TMEM260: variants seen among roughly 807,000 people sequenced by gnomAD.
The protein encoded by TMEM260 is protein O-mannosyl-transferase TMEM260.
In TMEM260, 82 loss-of-function variants were observed where a neutral mutation model predicts 88.9. The observed-to-expected ratio is 0.92, with a 90% CI of 0.77 to 1.11. TMEM260 has a LOEUF of 1.11. Ranked by LOEUF, TMEM260 falls within the 50% of genes least tolerant of loss-of-function variation. The probability of loss-of-function intolerance (pLI) is 0.00; values close to 1 mark genes in which losing one functional copy is unlikely to be tolerated. For synonymous variants in TMEM260, 314 were observed against 309.3 expected, an observed-to-expected ratio of 1.02 and a Z score of -0.16; for missense variants, 902 against 853.4, an observed-to-expected ratio of 1.06 and a Z score of -0.71.
intron 6 of TMEM260, among the ~76,000 whole-genome samples, chr14:56,609,878 G>A (rs994769604): frequency 4.6e-5 from 7 of 152,216 alleles, no homozygotes; most frequent in African/African-American, 1.7e-4. Context: ...AAGATTATCT[G>A]AAAAATGAAA....
chr14:56,584,898 T>A lies in TMEM260; in HGVS notation c.161-103T>A, dbSNP rs956309271. 4.5e-6 allele frequency: 4 copies of A among 880,090 alleles called. No individual in the cohort carries two copies. In the African/African-American group the frequency reaches 6.7e-5, roughly 15 times the overall value. 54.5% of individuals were successfully genotyped at this position (880,090 alleles called of 1,614,324 possible). On this transcript the variant is annotated intron_variant, in intron 1 of 15. Coordinates refer to ENST00000261556, the MANE Select transcript of TMEM260 (RefSeq NM_017799.4). ...TCTACAGATTTACAGTTTTATCCAG[T>A]CAAATTAATGCAAAACCCCAATGCA... is the stretch of plus-strand genomic sequence containing the variant.
At chr14:56,598,354 A>G (rs895711826) in intron 3 of TMEM260, among the ~76,000 whole-genome samples, 2 of 152,170 alleles carry the variant, frequency 1.3e-5, no homozygotes, top group African/African-American at 4.8e-5. Context: ...ACAGGGATCA[A>G]CACAGCAGAG....
At chr14:56,655,302 A>G (rs1339214022), downstream of TMEM260, among the ~76,000 whole-genome samples, 1 of 151,534 alleles carries the variant, frequency 6.6e-6, no homozygotes, top group Non-Finnish European at 1.5e-5. Flanking sequence ...AGGCAGAAGA[A>G]TTGCTTAAAC....
chr14:56,605,243 T>G (rs1269383804), intron 4 of TMEM260, among the ~76,000 whole-genome samples: 1 of 152,208 alleles, frequency 6.6e-6, no homozygotes, highest in East Asian at 1.9e-4. Context: ...TTGCTGAATT[T>G]CAATTATAGA....
the TMEM260 span, among the ~76,000 whole-genome samples, chr14:56,656,343 C>T: frequency 2.6e-5 from 4 of 152,116 alleles, no homozygotes; most frequent in African/African-American, 4.8e-5. Context: ...CGCTTGAACC[C>T]GGGAGGTTGA....
At position 56,621,701 on chromosome 14, in the gene TMEM260, A is replaced by T; in HGVS notation, c.1397A>T (p.Glu466Val). The change falls in exon 11 of 16, where the codon GAA becomes GTA. Residue 466 changes from glutamate to valine, a missense_variant and splice_region_variant. Glu to Val is a moderately radical substitution (Grantham distance 121). Transcript: ENST00000261556. The part of the protein sequence containing the change: ...LRPDISLVDQ[E>V]MMTYEWYLPK... ...CCTGACATTTCATTAGTGGATCAGG[A>T]AGTAAGTATATGAAAAATATACTTA... is the stretch of plus-strand genomic sequence containing the variant. The T allele has an allele frequency of 6.2e-7, 1 of 1,601,094 alleles. No homozygotes were observed.
intron 5 of TMEM260, among the ~76,000 whole-genome samples, chr14:56,608,534 A>G (rs778166876): frequency 1.3e-5 from 2 of 152,206 alleles, no homozygotes; most frequent in South Asian, 2.1e-4. Context: ...ATTCTATCCT[A>G]TATGTAAATT....
intron 3 of TMEM260, among the ~76,000 whole-genome samples, chr14:56,603,219 A>G (rs1886683353): frequency 1.3e-5 from 2 of 148,982 alleles, no homozygotes; most frequent in African/African-American, 4.9e-5. Flanking sequence ...TCTTCTTTAG[A>G]AAAAAAATTA....
At position 56,612,291 on chromosome 14, in the gene TMEM260, T is replaced by G; in HGVS notation, c.857+6T>G. On this transcript the variant is annotated splice_donor_region_variant and intron_variant, in intron 7 of 15. Coordinates refer to ENST00000261556, the MANE Select transcript of TMEM260 (RefSeq NM_017799.4). ...AGTATGTCTGAAATACTGCTGTGAGTATGAAATATTTGAAACTACTTTAAA... is the reference window on the plus strand; with the variant it reads ...AGTATGTCTGAAATACTGCTGTGAGGATGAAATATTTGAAACTACTTTAAA... 1 of 1,611,512 alleles carries G rather than the reference T, an allele frequency of 6.2e-7. No individual in the cohort carries two copies. The highest frequency in any genetic ancestry group is 8.5e-7 in the Non-Finnish European group (1 of 1,177,820).
intron 15 of TMEM260, among the ~76,000 whole-genome samples, chr14:56,637,560 T>A (rs928858984): frequency 6.6e-6 from 1 of 152,142 alleles, no homozygotes; most frequent in Non-Finnish European, 1.5e-5. Flanking sequence ...ACTTGCAGAG[T>A]CTGCTCTATA....
chr14:56,596,416 A>G (rs1277708240), intron 3 of TMEM260, among the ~76,000 whole-genome samples: 15 of 108,626 alleles, frequency 1.4e-4, no homozygotes, highest in African/African-American at 4.7e-4. Flanking sequence ...GTATATATAT[A>G]TATATATATA....
intron 5 of TMEM260, among the ~76,000 whole-genome samples, chr14:56,607,216 C>T (rs1427531919): frequency 1.3e-5 from 2 of 152,154 alleles, no homozygotes; most frequent in East Asian, 3.8e-4. Context: ...ATACATCTCC[C>T]TCTCGTATTG....
intron 12 of TMEM260, among the ~76,000 whole-genome samples, chr14:56,629,180 G>A (rs868603107): frequency 6.6e-6 from 1 of 151,690 alleles, no homozygotes; most frequent in East Asian, 1.9e-4. Flanking sequence ...ACAGGCGTGA[G>A]CCACCACGCC....
At chr14:56,644,195 C>T (rs1264613289) in intron 15 of TMEM260, among the ~76,000 whole-genome samples, 1 of 152,136 alleles carries the variant, frequency 6.6e-6, no homozygotes, top group Non-Finnish European at 1.5e-5. Flanking sequence ...GCCCACATTG[C>T]CAAATCAATC....
chr14:56,636,383 T>C (rs1048951045), intron 14 of TMEM260, 125 bp from the exon 15 acceptor site: 2 of 723,844 alleles, frequency 2.8e-6, no homozygotes, highest in Non-Finnish European at 4.7e-6. Context: ...TATGAGAGAA[T>C]TGAAAATAAT....
chr14:56,610,947 T>G (rs1887222476), intron 6 of TMEM260, among the ~76,000 whole-genome samples: 1 of 148,906 alleles, frequency 6.7e-6, no homozygotes, highest in Non-Finnish European at 1.5e-5. Flanking sequence ...CCAAATATTC[T>G]TTTCTTTCTT....
At chr14:56,651,655 C>T (rs1319954644), downstream of TMEM260, among the ~76,000 whole-genome samples, 1 of 152,206 alleles carries the variant, frequency 6.6e-6, no homozygotes, top group Non-Finnish European at 1.5e-5. Flanking sequence ...ATACTCCTAT[C>T]CCAGTGATCC....
At chr14:56,613,895 C>CAAAAAAAAAAAAAAAAAAAAAAAAA in intron 7 of TMEM260, 1 of 133,204 alleles carries the variant, frequency 7.5e-6, no homozygotes, top group Admixed American at 7.7e-5. Context: ...CCCGTCTCTG[C>CAAAAAAAAAAAAAAAAAAAAAAAAA]AAAAAAAAAA....
At chr14:56,581,558 A>G (rs1252674091) in intron 1 of TMEM260, among the ~76,000 whole-genome samples, 1 of 152,184 alleles carries the variant, frequency 6.6e-6, no homozygotes, top group Non-Finnish European at 1.5e-5. Context: ...ATTGACAGCT[A>G]CTTATGGTTG....
Sources: allele counts gnomAD v4.1 joint callset (sites outside exome capture counted in the v4.1 genomes callset), GRCh38; gene constraint gnomAD v4.1.1; transcripts MANE v1.5; gene names NCBI Gene and HGNC (gene_info 2026-07-23, HGNC 2026-07-21).